Variants in OPRM1 observed in about 807,000 individuals in gnomAD.
OPRM1 encodes the protein opioid receptor mu 1.
In OPRM1, 27 loss-of-function variants were observed where a neutral mutation model predicts 31.8. The ratio of observed to expected loss-of-function variants is 0.85; its 90% confidence interval spans 0.63 to 1.17. The LOEUF (loss-of-function observed/expected upper bound fraction) is 1.17, where lower values mean the gene tolerates loss of function less well. Ranked by LOEUF, OPRM1 falls within the 50% of genes most tolerant of loss-of-function variation. The pLI, the probability that OPRM1 is intolerant of heterozygous loss-of-function variation, is 0.00. For missense variants in OPRM1, 536 were observed against 511.1 expected (o/e 1.05, Z -0.47); for synonymous variants, 196 against 189.9 (o/e 1.03, Z -0.26).
intron 3 of OPRM1, among the ~76,000 whole-genome samples, chr6:154,222,012 T>A (rs904505546): frequency 1.3e-5 from 2 of 152,250 alleles, no homozygotes; most frequent in Admixed American, 6.5e-5. Context: ...TCAGAACAAC[T>A]ACTTCAAGCA....
At chr6:154,153,008 G>C (rs1263435834) in intron 3 of OPRM1, among the ~76,000 whole-genome samples, 1 of 151,924 alleles carries the variant, frequency 6.6e-6, no homozygotes, top group Non-Finnish European at 1.5e-5. Context: ...CAAAGTGCTA[G>C]AATTGCAAAC....
intron 3 of OPRM1, among the ~76,000 whole-genome samples, chr6:154,224,771 C>T (rs899590507): frequency 1.3e-5 from 2 of 152,078 alleles, no homozygotes; most frequent in South Asian, 4.1e-4. Context: ...GCACTCTCTT[C>T]TTTAAACATT....
At chr6:154,019,249 G>A (rs1778199147) in intron 1 of OPRM1, among the ~76,000 whole-genome samples, 1 of 147,934 alleles carries the variant, frequency 6.8e-6, no homozygotes, top group Non-Finnish European at 1.5e-5. Flanking sequence ...TTTTAGAGCA[G>A]TTTTAAGTTC....
chr6:154,213,908 T>A (rs1252988643), intron 3 of OPRM1, among the ~76,000 whole-genome samples: 1 of 152,162 alleles, frequency 6.6e-6, no homozygotes, highest in Non-Finnish European at 1.5e-5. Context: ...ATCATGTCTA[T>A]CAGTAAGAAT....
chr6:154,047,424 G>A (rs1333886739), intron 1 of OPRM1, among the ~76,000 whole-genome samples: 1 of 151,462 alleles, frequency 6.6e-6, no homozygotes, highest in Non-Finnish European at 1.5e-5. Flanking sequence ...GGCAAAGGTG[G>A]AGCGTGGGCA....
At chr6:154,025,553 T>G (rs1778645589) in intron 1 of OPRM1, among the ~76,000 whole-genome samples, 1 of 152,058 alleles carries the variant, frequency 6.6e-6, no homozygotes, top group Non-Finnish European at 1.5e-5. Flanking sequence ...AAGCAATTAT[T>G]CCTCCCATTT....
intron 3 of OPRM1, among the ~76,000 whole-genome samples, chr6:154,101,668 C>T (rs545054382): frequency 3.1e-4 from 47 of 152,290 alleles, no homozygotes; most frequent in South Asian, 2.3e-3. Context: ...CTTATCCAAA[C>T]ATCCTTTTCC....
chr6:154,096,006 G>A (rs888878838), intron 3 of OPRM1, among the ~76,000 whole-genome samples: 1 of 152,014 alleles, frequency 6.6e-6, no homozygotes, highest in Non-Finnish European at 1.5e-5. Flanking sequence ...GTTTCCACCC[G>A]CATCATATTA....
intron 3 of OPRM1, among the ~76,000 whole-genome samples, chr6:154,235,438 G>A (rs1019339412): frequency 4.0e-5 from 6 of 151,050 alleles, no homozygotes; most frequent in Non-Finnish European, 5.9e-5. Flanking sequence ...AGGCTGAGCA[G>A]GAGAATCACT....
chr6:154,130,015 C>T lies in OPRM1; in HGVS notation c.*11294C>T, dbSNP rs1358798362. On this transcript the variant is annotated 3_prime_UTR_variant, in exon 4 of 4. Transcript: ENST00000330432. Reference sequence around the variant, plus strand: ...AACTCCAGCATCAATAATTTACTTGCACTCTTGTTATTTACATTTGTACTC... The same window carrying T: ...AACTCCAGCATCAATAATTTACTTGTACTCTTGTTATTTACATTTGTACTC... Among the ~76,000 whole-genome samples the T allele has an allele frequency of 6.6e-6, 1 of 152,102 alleles. No homozygotes were observed. The highest frequency in any genetic ancestry group is 2.4e-5 in the African/African-American group (1 of 41,408).
chr6:154,025,593 C>T (rs1382927154), intron 1 of OPRM1, among the ~76,000 whole-genome samples: 1 of 151,728 alleles, frequency 6.6e-6, no homozygotes, highest in Non-Finnish European at 1.5e-5. Context: ...GTTTTGTGGT[C>T]TTATCTTCCT....
At chr6:154,086,670 G>A (rs892370166) in intron 1 of OPRM1, 48 of 984,884 alleles carry the variant, frequency 4.9e-5, no homozygotes, top group Non-Finnish European at 5.5e-5. Flanking sequence ...TAAGCCTGAA[G>A]GAAAGGTTGG....
chr6:154,185,336 A>T (rs1260882670), intron 3 of OPRM1, among the ~76,000 whole-genome samples: 1 of 152,228 alleles, frequency 6.6e-6, no homozygotes, highest in Non-Finnish European at 1.5e-5. Context: ...AAATATGAAG[A>T]TATTCACAAT....
intron 1 of OPRM1, chr6:154,087,808 A>G (rs1220103880): frequency 3.3e-5 from 5 of 153,612 alleles, no homozygotes; most frequent in Non-Finnish European, 4.3e-5. Context: ...AATTAAGGTA[A>G]ATATATGTGG....
chr6:154,044,518 C>G (rs922349003), intron 1 of OPRM1, among the ~76,000 whole-genome samples: 2 of 151,836 alleles, frequency 1.3e-5, no homozygotes, highest in Admixed American at 1.3e-4. Flanking sequence ...TTTAACTGAT[C>G]TTATTTTTTT....
At chr6:154,084,279 C>T (rs552183081) in intron 1 of OPRM1, among the ~76,000 whole-genome samples, 25 of 152,268 alleles carry the variant, frequency 1.6e-4, no homozygotes, top group African/African-American at 6.0e-4. Flanking sequence ...CCATTCTCCC[C>T]TTCACTAAGC....
At chr6:154,176,280 T>A (rs1393207491) in intron 3 of OPRM1, among the ~76,000 whole-genome samples, 2 of 152,190 alleles carry the variant, frequency 1.3e-5, no homozygotes, top group African/African-American at 4.8e-5. Flanking sequence ...GGATGCCCTC[T>A]CTCACCACTC....
intron 3 of OPRM1, among the ~76,000 whole-genome samples, chr6:154,239,925 C>A (rs1780445029): frequency 6.6e-6 from 1 of 152,196 alleles, no homozygotes; most frequent in Non-Finnish European, 1.5e-5. Context: ...TGATCTTGAA[C>A]TCCTGACCTT....
At chr6:154,187,831 T>C (rs1017158443) in intron 3 of OPRM1, among the ~76,000 whole-genome samples, 1 of 152,232 alleles carries the variant, frequency 6.6e-6, no homozygotes, top group African/African-American at 2.4e-5. Flanking sequence ...AATAGAGGTA[T>C]TTTTCTTCTT....
Sources: gnomAD v4.1 joint callset for allele counts (sites outside exome capture counted in the v4.1 genomes callset) on GRCh38, gnomAD v4.1.1 for gene constraint, MANE v1.5 for transcripts, NCBI Gene and HGNC (gene_info 2026-07-23, HGNC 2026-07-21) for gene names.